MACROD2: variants seen among roughly 807,000 people sequenced by gnomAD.
MACROD2 encodes the protein mono-ADP ribosylhydrolase 2.
MACROD2 carries 36 observed loss-of-function variants against 70.4 expected under a neutral mutation model. The observed-to-expected ratio is 0.51, with a 90% confidence interval of 0.39 to 0.68. The LOEUF (loss-of-function observed/expected upper bound fraction) is 0.68. MACROD2 is among the 30% of genes least tolerant of loss of function. The probability of loss-of-function intolerance (pLI) is 0.00; values close to 1 mark genes in which losing one functional copy is unlikely to be tolerated. For missense variants in MACROD2, 496 were observed against 538.4 expected (o/e 0.92, Z 0.78); for synonymous variants, 172 against 178.8 (o/e 0.96, Z 0.30).
intron 10 of MACROD2, among the ~76,000 whole-genome samples, chr20:15,906,569 A>T (rs1601103420): frequency 1.3e-5 from 2 of 151,900 alleles, no homozygotes; most frequent in East Asian, 3.9e-4. Flanking sequence ...TTTAAGTTTC[A>T]CCAGTTTTCC....
At position 15,587,043 on chromosome 20, in the gene MACROD2, C is replaced by G. The variant is rs561922843; in HGVS notation, c.645+87196C>G. ...AATTCAATATAATTCCAATAAAATA[C>G]TATATTAGTCCGTTTTAACACTGCT... On this transcript the variant is annotated intron_variant, in intron 8 of 17. Transcript: ENST00000684519. 2.6e-5 allele frequency among the ~76,000 whole-genome samples: 4 copies of G among 152,238 alleles called. No individual in the cohort carries two copies. In the South Asian group the frequency reaches 6.2e-4, roughly 24 times the overall value.
chr20:14,198,638 G>A (rs897829689), intron 3 of MACROD2, among the ~76,000 whole-genome samples: 3 of 152,198 alleles, frequency 2.0e-5, no homozygotes, highest in Non-Finnish European at 4.4e-5. Flanking sequence ...CTGGTGGACA[G>A]TGTGTTATTT....
chr20:14,178,449 C>T (rs2081281349), intron 3 of MACROD2, among the ~76,000 whole-genome samples: 2 of 152,042 alleles, frequency 1.3e-5, no homozygotes, highest in Admixed American at 6.6e-5. Flanking sequence ...AGAATGTCTC[C>T]AGGGCACTTC....
intron 7 of MACROD2, among the ~76,000 whole-genome samples, chr20:15,490,111 A>G (rs2146471508): frequency 6.9e-6 from 1 of 144,794 alleles, no homozygotes; most frequent in Middle Eastern, 3.6e-3. Context: ...GTCACACCAT[A>G]CTTTGCACAC....
chr20:15,568,783 A>C (rs190036881), intron 8 of MACROD2, among the ~76,000 whole-genome samples: 2 of 152,206 alleles, frequency 1.3e-5, no homozygotes, highest in African/African-American at 4.8e-5. Context: ...ATAAGCAACT[A>C]TAGATGGTTT....
At chr20:14,502,752 G>T (rs898400208) in intron 4 of MACROD2, among the ~76,000 whole-genome samples, 5 of 152,156 alleles carry the variant, frequency 3.3e-5, no homozygotes, top group African/African-American at 9.7e-5. Context: ...CACAAATCCA[G>T]ATATCTGTGT....
intron 5 of MACROD2, among the ~76,000 whole-genome samples, chr20:14,959,655 A>G (rs532428434): frequency 1.6e-4 from 25 of 152,190 alleles, no homozygotes; most frequent in Non-Finnish European, 3.1e-4. Context: ...CACAGAAGCA[A>G]TGTGAACAAT....
intron 8 of MACROD2, among the ~76,000 whole-genome samples, chr20:15,554,334 T>C (rs1340691657): frequency 6.6e-6 from 1 of 152,158 alleles, no homozygotes; most frequent in Non-Finnish European, 1.5e-5. Flanking sequence ...CAGAGTTGTT[T>C]TGTATTACAT....
chr20:14,216,944 T>G (rs917986151), intron 3 of MACROD2, among the ~76,000 whole-genome samples: 1 of 152,184 alleles, frequency 6.6e-6, no homozygotes, highest in Non-Finnish European at 1.5e-5. Flanking sequence ...AACAATCATA[T>G]TGTCATAAAA....
chr20:15,644,429 C>T (rs1172512946), intron 8 of MACROD2, among the ~76,000 whole-genome samples: 10 of 152,192 alleles, frequency 6.6e-5, no homozygotes, highest in Non-Finnish European at 1.0e-4. Context: ...TGCATAGAGT[C>T]TGCATTCACC....
chr20:15,944,336 C>T (rs1479759656), intron 12 of MACROD2, among the ~76,000 whole-genome samples: 2 of 152,012 alleles, frequency 1.3e-5, no homozygotes, highest in Non-Finnish European at 2.9e-5. Context: ...AACCCTGGTG[C>T]CCAGAAATAA....
intron 5 of MACROD2, among the ~76,000 whole-genome samples, chr20:15,101,900 T>C (rs2143245): frequency 0.33 from 50,560 of 151,844 alleles, 10,411 homozygotes; most frequent in Non-Finnish European, 0.46. Flanking sequence ...TTTATTCGCT[T>C]TCTCCCTTAA....
At chr20:14,665,887 C>T (rs1796235717) in intron 4 of MACROD2, among the ~76,000 whole-genome samples, 1 of 152,108 alleles carries the variant, frequency 6.6e-6, no homozygotes, top group Non-Finnish European at 1.5e-5. Flanking sequence ...AATGTGGAGG[C>T]ACCATTTTCT....
Position 14,163,915 on chromosome 20 carries a change from C to T in MACROD2, c.271+78187C>T, listed in dbSNP as rs147325244. Among the ~76,000 whole-genome samples the T allele has an allele frequency of 4.6e-5, 7 of 151,642 alleles. No individual in the cohort carries two copies. The East Asian group carries it at 1.4e-3, about 30-fold the overall frequency. On this transcript the variant is annotated intron_variant, in intron 3 of 17. Transcript: ENST00000684519. ...TATCTCACTGAGTTTCTTTAGTATA[C>T]ATATTTTGAATTATTTTTCTGGGAT...
At chr20:15,526,967 G>A (rs539583058) in intron 8 of MACROD2, among the ~76,000 whole-genome samples, 127 of 152,270 alleles carry the variant, frequency 8.3e-4, no homozygotes, top group Non-Finnish European at 1.7e-3. Context: ...ATCTCACCAC[G>A]TATTGGAAAT....
chr20:15,256,000 CT>C (rs2077196200), intron 6 of MACROD2, among the ~76,000 whole-genome samples: 1 of 152,002 alleles, frequency 6.6e-6, no homozygotes, highest in South Asian at 2.1e-4. Context: ...GCAGAGACTC[CT>C]TTTTTTCACT....
intron 6 of MACROD2, among the ~76,000 whole-genome samples, chr20:15,331,140 G>A (rs931060374): frequency 5.3e-5 from 8 of 151,798 alleles, no homozygotes; most frequent in South Asian, 2.1e-4. Flanking sequence ...GTTTGGAACA[G>A]GGGATGCATT....
intron 5 of MACROD2, among the ~76,000 whole-genome samples, chr20:15,154,026 A>C (rs936616571): frequency 6.6e-6 from 1 of 152,126 alleles, no homozygotes; most frequent in Admixed American, 6.5e-5. Flanking sequence ...ACAGATTCCC[A>C]TGTTCACTGA....
intron 3 of MACROD2, among the ~76,000 whole-genome samples, chr20:14,209,937 C>A (rs2081557079): frequency 1.3e-5 from 2 of 152,124 alleles, no homozygotes; most frequent in African/African-American, 4.8e-5. Flanking sequence ...ATTCAGACCT[C>A]ACTTTCCAGA....
Sources: gnomAD v4.1 joint callset for allele counts (sites outside exome capture counted in the v4.1 genomes callset) on GRCh38, gnomAD v4.1.1 for gene constraint, MANE v1.5 for transcripts, NCBI Gene and HGNC (gene_info 2026-07-23, HGNC 2026-07-21) for gene names.